COP1: variants seen among roughly 807,000 people sequenced by gnomAD.
COP1 encodes the protein E3 ubiquitin-protein ligase COP1.
COP1 carries 24 observed loss-of-function variants against 101.3 expected under a neutral mutation model. The observed-to-expected ratio is 0.24, with a 90% CI of 0.17 to 0.33. The LOEUF is 0.33. Ranked by LOEUF, COP1 falls within the 10% of genes least tolerant of loss-of-function variation. The pLI is 1.00. For synonymous variants in COP1, 347 were observed against 341.9 expected, an observed-to-expected ratio of 1.01 and a Z score of -0.17; for missense variants, 663 against 906.2, an observed-to-expected ratio of 0.73 and a Z score of 3.45.
chr1:176,135,106 A>C lies in COP1; in HGVS notation c.892-20T>G, dbSNP rs200189247. The C allele has an allele frequency of 7.5e-6, 11 of 1,476,290 alleles. No individual in the cohort carries two copies. The East Asian group carries it at 2.3e-4, about 31-fold the overall frequency. The allele number at this position is 1,476,290 out of a possible 1,614,324, so 91.4% of individuals were successfully genotyped here. A position where few individuals can be genotyped will look rare whatever the true frequency, so the allele number is the denominator to read the frequency against. On this transcript the variant is annotated intron_variant, in intron 7 of 19. Coordinates refer to ENST00000367669, the MANE Select transcript of COP1 (RefSeq NM_022457.7). ...CATTTCCTGAAAATAAAATTATTTGAATTATAGTAGATATTTCAAATAGAA... is the reference window on the plus strand; with the variant it reads ...CATTTCCTGAAAATAAAATTATTTGCATTATAGTAGATATTTCAAATAGAA...
chr1:176,055,940 T>G (rs1673397847), intron 11 of COP1, among the ~76,000 whole-genome samples: 1 of 152,192 alleles, frequency 6.6e-6, no homozygotes, highest in African/African-American at 2.4e-5. Context: ...CTTTTTCAGT[T>G]AATTCCTTTT....
intron 1 of COP1, among the ~76,000 whole-genome samples, chr1:176,192,763 T>C (rs1288941475): frequency 6.6e-6 from 1 of 152,178 alleles, no homozygotes; most frequent in Non-Finnish European, 1.5e-5. Flanking sequence ...CAGGGTACCA[T>C]GTGTGATACA....
intron 1 of COP1, among the ~76,000 whole-genome samples, chr1:176,201,359 T>TCTGAC: frequency 6.6e-6 from 1 of 151,928 alleles, no homozygotes; most frequent in Non-Finnish European, 1.5e-5. Flanking sequence ...AGGAAAAGGG[T>TCTGAC]AGCAGGTTAA....
chr1:176,078,384 C>T (rs2481650), intron 11 of COP1, among the ~76,000 whole-genome samples: 142,955 of 152,164 alleles, frequency 0.94, 67,598 homozygotes, highest in East Asian at 1. Flanking sequence ...TCAACAAAAA[C>T]AAGCAATGGG....
At chr1:176,198,684 A>G (rs1699957446) in intron 1 of COP1, among the ~76,000 whole-genome samples, 2 of 152,152 alleles carry the variant, frequency 1.3e-5, no homozygotes, top group Admixed American at 1.3e-4. Context: ...AAGATAAGCA[A>G]CAGACTAAGA....
At chr1:176,169,584 A>G (rs891249310) in intron 3 of COP1, among the ~76,000 whole-genome samples, 2 of 152,230 alleles carry the variant, frequency 1.3e-5, no homozygotes, top group African/African-American at 4.8e-5. Flanking sequence ...ATGTCTTTAA[A>G]AAAAGTATTA....
chr1:176,047,861 G>A (rs866218941), intron 11 of COP1, among the ~76,000 whole-genome samples: 1 of 152,110 alleles, frequency 6.6e-6, no homozygotes, highest in Non-Finnish European at 1.5e-5. Context: ...GATCCCTTGA[G>A]TCCAGGAGTT....
In COP1 at chr1:176,174,007, A is replaced by G. The variant is rs79774945; in HGVS notation, c.565+1903T>C. ...GTCTCAAAAAAAAAAAAAAAAAAAA[A>G]AGAGAATATATATAATGTAGGGGAT... On this transcript the variant is annotated intron_variant, in intron 3 of 19. Coordinates refer to ENST00000367669, the MANE Select transcript of COP1 (RefSeq NM_022457.7). 1.0e-3 allele frequency among the ~76,000 whole-genome samples: 123 copies of G among 121,988 alleles called. 4 individuals are homozygous for G. The highest frequency in any genetic ancestry group is 8.7e-3 in the South Asian group (29 of 3,334). The allele number at this position is 121,988 out of a possible 152,430, so 80.0% of individuals were successfully genotyped here. A position where few individuals can be genotyped will look rare whatever the true frequency, so the allele number is the denominator to read the frequency against.
chr1:176,177,085 CTAAA>C (rs1484941440), intron 2 of COP1, among the ~76,000 whole-genome samples: 4 of 151,998 alleles, frequency 2.6e-5, no homozygotes, highest in South Asian at 2.1e-4. Flanking sequence ...AAGAAATTGA[CTAAA>C]TAAATTTGTA....
intron 16 of COP1, chr1:175,988,846 T>C (rs542574326): frequency 1.9e-5 from 3 of 157,104 alleles, no homozygotes; most frequent in East Asian, 3.8e-4. Context: ...AAAAAAAAGT[T>C]TTCTTTTCAA....
Position 176,055,240 on chromosome 1 carries a change from C to T in COP1, c.1278-8916G>A, listed in dbSNP as rs143257919. On this transcript the variant is annotated intron_variant, in intron 11 of 19. Transcript: ENST00000367669. ...CCTGAGGTCAGGACTTTGAGACCAG[C>T]CTGGCCAACACGATGAAATCCAGCC... is the stretch of plus-strand genomic sequence containing the variant. Among the ~76,000 whole-genome samples the T allele has an allele frequency of 2.6e-3, 399 of 152,298 alleles. 3 individuals carry two copies. The highest frequency in any genetic ancestry group is 9.2e-3 in the African/African-American group (381 of 41,574).
chr1:176,000,228 T>C (rs1270063996), intron 15 of COP1, among the ~76,000 whole-genome samples: 1 of 152,114 alleles, frequency 6.6e-6, no homozygotes, highest in African/African-American at 2.4e-5. Flanking sequence ...AGTAGTTTTG[T>C]AGTTTGAAGT....
At chr1:176,034,595 G>A (rs941214776) in intron 14 of COP1, among the ~76,000 whole-genome samples, 2 of 152,112 alleles carry the variant, frequency 1.3e-5, no homozygotes, top group East Asian at 3.9e-4. Context: ...ATCAGTAAAA[G>A]GGGGCCCTGG....
At position 176,119,892 on chromosome 1, in the gene COP1, G is replaced by A. The variant is rs150908012; in HGVS notation, c.969-3211C>T. Among the ~76,000 whole-genome samples, 399 of 152,132 alleles carry A rather than the reference G, an allele frequency of 2.6e-3. 3 individuals are homozygous for A. The highest frequency in any genetic ancestry group is 9.2e-3 in the African/African-American group (381 of 41,482). Reference sequence around the variant, plus strand: ...TCATTTCTCAAGTGAGAAAATTCAGGCACTGAGAGATTATATATGTGGCCC... The same window carrying A: ...TCATTTCTCAAGTGAGAAAATTCAGACACTGAGAGATTATATATGTGGCCC... On this transcript the variant is annotated intron_variant, in intron 8 of 19. Coordinates refer to ENST00000367669, the MANE Select transcript of COP1 (RefSeq NM_022457.7).
intron 15 of COP1, among the ~76,000 whole-genome samples, chr1:176,026,746 T>C (rs1008706267): frequency 2.0e-5 from 3 of 152,138 alleles, no homozygotes; most frequent in African/African-American, 7.2e-5. Flanking sequence ...ACTGTCTCCA[T>C]CATATGGTGC....
chr1:176,128,590 C>G (rs1688412926), intron 8 of COP1, among the ~76,000 whole-genome samples: 2 of 151,840 alleles, frequency 1.3e-5, no homozygotes, highest in African/African-American at 4.8e-5. Flanking sequence ...AGCAAAACAC[C>G]ATGTATGTTC....
chr1:176,126,912 A>G (rs1268833608), intron 8 of COP1, among the ~76,000 whole-genome samples: 1 of 152,204 alleles, frequency 6.6e-6, no homozygotes, highest in African/African-American at 2.4e-5. Context: ...GAACAGTTTT[A>G]TAATTTTAAA....
At chr1:176,166,959 A>C (rs1034778856) in intron 3 of COP1, among the ~76,000 whole-genome samples, 109 of 152,156 alleles carry the variant, frequency 7.2e-4, no homozygotes, top group Non-Finnish European at 1.5e-4. Context: ...ATTTTTAAAA[A>C]ACTATATCCT....
rs1680009409 is a variant in COP1 at position 176,085,689 on chromosome 1, T to A, written c.1141+87A>T. 16 of 684,378 alleles carry A rather than the reference T, an allele frequency of 2.3e-5. No individual in the cohort carries two copies. The South Asian group carries it at 4.5e-4, about 19-fold the overall frequency. The allele number at this position is 684,378 out of a possible 1,614,324, so 42.4% of individuals were successfully genotyped here. On this transcript the variant is annotated intron_variant, in intron 10 of 19. Coordinates refer to ENST00000367669, the MANE Select transcript of COP1 (RefSeq NM_022457.7). ...AAAATACATACTTTTGCTTTGCAATTAGGACTTTCCATAAATTCAGCACAA... is the reference window on the plus strand; with the variant it reads ...AAAATACATACTTTTGCTTTGCAATAAGGACTTTCCATAAATTCAGCACAA...
Sources: gnomAD v4.1 joint callset for allele counts (sites outside exome capture counted in the v4.1 genomes callset) on GRCh38, gnomAD v4.1.1 for gene constraint, MANE v1.5 for transcripts, NCBI Gene and HGNC (gene_info 2026-07-23, HGNC 2026-07-21) for gene names.